CMTR1: variants seen among roughly 807,000 people sequenced by gnomAD.
The protein encoded by CMTR1 is cap methyltransferase 1, also known as cap-specific mRNA (nucleoside-2'-O-)-methyltransferase 1.
In CMTR1, 39 loss-of-function variants were observed where a neutral mutation model predicts 107.0. That is an observed-to-expected ratio of 0.36 (90% CI 0.28 to 0.48). The LOEUF (loss-of-function observed/expected upper bound fraction) is 0.48, where lower values mean the gene tolerates loss of function less well. Ranked by LOEUF, CMTR1 falls within the 20% of genes least tolerant of loss-of-function variation. The pLI is 0.99. For missense variants in CMTR1, 672 were observed against 1,064.9 expected, an observed-to-expected ratio of 0.63 and a Z score of 5.14; for synonymous variants, 366 against 379.5, an observed-to-expected ratio of 0.96 and a Z score of 0.41.
chr6:37,474,472 T>C, intron 17 of CMTR1, 52 bp from the exon 18 acceptor site: 2 of 1,606,042 alleles, frequency 1.2e-6, no homozygotes, highest in Non-Finnish European at 1.7e-6. Context: ...GTAAGCCTCT[T>C]ATCCCTCGAT....
chr6:37,478,552 CCTCCCCT>C (rs752598522), intron 22 of CMTR1, 31 bp downstream of exon 22: 19 of 1,548,374 alleles, frequency 1.2e-5, no homozygotes, highest in Non-Finnish European at 1.4e-5. Context: ...CCCGCCATCC[CCTCCCCT>C]CTCCCCTCTC....
chr6:37,459,758 A>G, intron 10 of CMTR1, 74 bp downstream of exon 10: 2 of 1,075,044 alleles, frequency 1.9e-6, no homozygotes, highest in Middle Eastern at 2.0e-4. Context: ...TGTTTGTTTT[A>G]TCTGGTTCTT....
intron 2 of CMTR1, among the ~76,000 whole-genome samples, chr6:37,440,032 G>A (rs538676374): frequency 6.6e-6 from 1 of 152,176 alleles, no homozygotes; most frequent in East Asian, 1.9e-4. Context: ...GGAGACCTCT[G>A]TTTCCTCTGT....
At chr6:37,470,755 G>C (rs1038956488) in intron 13 of CMTR1, among the ~76,000 whole-genome samples, 22 of 152,156 alleles carry the variant, frequency 1.4e-4, no homozygotes, top group African/African-American at 5.3e-4. Flanking sequence ...ACTACTTTCA[G>C]ATTATTTAAG....
chr6:37,458,583 C>T lies in CMTR1; in HGVS notation c.778-29C>T, dbSNP rs751766500. On this transcript the variant is annotated intron_variant, in intron 8 of 23. Coordinates refer to ENST00000373451, the MANE Select transcript of CMTR1 (RefSeq NM_015050.3). The surrounding 1 kb of genome is among the most constrained non-coding windows in gnomAD (Gnocchi z 4.7). ...CCCATTGAGCTGTCTTGTTTTCCTT[C>T]CTCTCCTGTCCTCCACTTGCCTTTG... is the stretch of plus-strand genomic sequence containing the variant. The T allele has an allele frequency of 9.9e-6, 16 of 1,608,580 alleles. No individual in the cohort carries two copies. The highest frequency in any genetic ancestry group is 8.5e-7 in the Non-Finnish European group (1 of 1,177,828).
Position 37,472,839 on chromosome 6 carries a change from G to A in CMTR1, c.1689+352G>A, listed in dbSNP as rs1761657941. 6.6e-6 allele frequency among the ~76,000 whole-genome samples: 1 copy of A among 152,224 alleles called. No individual in the cohort carries two copies. Among genetic ancestry groups the A allele is most frequent in the Non-Finnish European group, 1.5e-5 (1 of 68,040 alleles). Reference sequence around the variant, plus strand: ...GGGATGATCTTAGGCAAGGGAGCTGGGCACAGGGTGAAGGGAGCTGCCAGG... The same window carrying A: ...GGGATGATCTTAGGCAAGGGAGCTGAGCACAGGGTGAAGGGAGCTGCCAGG... On this transcript the variant is annotated intron_variant, in intron 16 of 23. Coordinates refer to ENST00000373451, the MANE Select transcript of CMTR1 (RefSeq NM_015050.3). The surrounding 1 kb of genome is among the most constrained non-coding windows in gnomAD (Gnocchi z 4.1).
Position 37,476,206 on chromosome 6 carries a change from G to T in CMTR1, c.2105+12G>T. Reference sequence around the variant, plus strand: ...ATGAATCCCATCAGGTGAGCATGTGGTCCCTACCCTCCATGCTTCTTTCTG... The same window carrying T: ...ATGAATCCCATCAGGTGAGCATGTGTTCCCTACCCTCCATGCTTCTTTCTG... On this transcript the variant is annotated intron_variant, in intron 20 of 23. Transcript: ENST00000373451. 1 of 1,613,886 alleles carries T rather than the reference G, an allele frequency of 6.2e-7. No individual in the cohort carries two copies. The highest frequency in any genetic ancestry group is 8.5e-7 in the Non-Finnish European group (1 of 1,179,842).
At chr6:37,447,388 G>A (rs1445446090) in intron 4 of CMTR1, among the ~76,000 whole-genome samples, 1 of 152,198 alleles carries the variant, frequency 6.6e-6, no homozygotes, top group Non-Finnish European at 1.5e-5. Flanking sequence ...AGTTGTGGGC[G>A]TTGAGACCAG....
At chr6:37,477,703 G>A in intron 21 of CMTR1, 64 bp downstream of exon 21, 3 of 695,232 alleles carry the variant, frequency 4.3e-6, no homozygotes, top group Non-Finnish European at 7.3e-6. Context: ...GTGTCCTGTA[G>A]TCATCCTCCG....
Position 37,471,021 on chromosome 6 carries a change from C to A in CMTR1, c.1506C>A (p.Ser502Arg). 1.9e-6 allele frequency: 3 copies of A among 1,601,430 alleles called. No individual in the cohort carries two copies. The highest frequency in any genetic ancestry group is 2.3e-5 in the South Asian group (2 of 88,818). The change falls in exon 14 of 24, where the codon AGC becomes AGA. Residue 502 changes from serine (S) to arginine (R), a missense_variant and splice_region_variant. This residue lies in a region of CMTR1 where 583 missense variants were observed against 968.4 expected (regional missense o/e 0.60). Transcript: ENST00000373451. ...FTDYMIRSNE[S>R]HCSLQIKALA... ...ATCAAATAATTTTTTTTTCTTCTAG[C>A]CACTGTAGTCTGCAGATCAAAGCTC...
chr6:37,462,088 T>C lies in CMTR1; in HGVS notation c.1311T>C (p.Pro437=). The change falls in exon 12 of 24, where the codon CCT becomes CCC. Residue 437 remains proline, a synonymous_variant. Transcript: ENST00000373451. Reference sequence around the variant, plus strand: ...TCTTCAAGCCTATTACCAGCCGTCCTGCCAACTCAGAGAGGTGAAGCCTTT... The same window carrying C: ...TCTTCAAGCCTATTACCAGCCGTCCCGCCAACTCAGAGAGGTGAAGCCTTT... The part of the protein sequence containing the change: ...VCLFKPITSR[P]ANSERYVVCK... The C allele has an allele frequency of 6.2e-7, 1 of 1,614,134 alleles. No individual in the cohort carries two copies. The highest frequency in any genetic ancestry group is 8.5e-7 in the Non-Finnish European group (1 of 1,180,034).
Position 37,480,005 on chromosome 6 carries a change from C to T in CMTR1, c.2376-8C>T. On this transcript the variant is annotated splice_polypyrimidine_tract_variant and splice_region_variant and intron_variant, in intron 23 of 23. Transcript: ENST00000373451. Reference sequence around the variant, plus strand: ...TCCTGACCTCTTTCCCATCCCTCTCCTCCCCAGCATTTGCTACTATGGCCG... The same window carrying T: ...TCCTGACCTCTTTCCCATCCCTCTCTTCCCCAGCATTTGCTACTATGGCCG... 6.4e-7 allele frequency: 1 copy of T among 1,568,706 alleles called. No individual in the cohort carries two copies. The highest frequency in any genetic ancestry group is 8.6e-7 in the Non-Finnish European group (1 of 1,162,458).
At chr6:37,451,585 GC>G (rs1269985158) in intron 5 of CMTR1, among the ~76,000 whole-genome samples, 1 of 152,152 alleles carries the variant, frequency 6.6e-6, no homozygotes, top group African/African-American at 2.4e-5. Context: ...TCTACTCAGA[GC>G]TCCTGGGGTG....
rs147385347 is a variant in CMTR1, at chr6:37,472,497, G to T, written c.1689+10G>T. 5 of 1,613,590 alleles carry T rather than the reference G, an allele frequency of 3.1e-6. No homozygotes were observed. The highest frequency in any genetic ancestry group is 4.2e-6 in the Non-Finnish European group (5 of 1,179,502). On this transcript the variant is annotated intron_variant, in intron 16 of 23. Coordinates refer to ENST00000373451, the MANE Select transcript of CMTR1 (RefSeq NM_015050.3). The surrounding 1 kb of genome is among the most constrained non-coding windows in gnomAD (Gnocchi z 4.1). ...CTTTGAGCTAATCCAGGTAAGACTG[G>T]TATCTGTGGTGGACATAAAAAGTTA... is the stretch of plus-strand genomic sequence containing the variant.
intron 16 of CMTR1, among the ~76,000 whole-genome samples, chr6:37,473,067 C>T (rs1761662014): frequency 6.6e-6 from 1 of 152,114 alleles, no homozygotes; most frequent in African/African-American, 2.4e-5. Context: ...AAGATGCCCT[C>T]AAAAGAATAG....
At chr6:37,473,802 T>G (rs1480326372) in intron 17 of CMTR1, among the ~76,000 whole-genome samples, 2 of 152,248 alleles carry the variant, frequency 1.3e-5, no homozygotes, top group Non-Finnish European at 2.9e-5. Flanking sequence ...ATTCTTTCAT[T>G]TGTTTCTTCA....
intron 10 of CMTR1, among the ~76,000 whole-genome samples, chr6:37,461,212 A>G (rs1034133871): frequency 2.6e-5 from 4 of 152,300 alleles, no homozygotes; most frequent in East Asian, 1.9e-4. Flanking sequence ...TGACTAGCCA[A>G]TATTTTGCCT....
At chr6:37,464,925 TGTGTAC>T (rs1291429579) in intron 13 of CMTR1, among the ~76,000 whole-genome samples, 2 of 150,094 alleles carry the variant, frequency 1.3e-5, no homozygotes, top group Non-Finnish European at 2.9e-5. Context: ...TGTGTGTGTG[TGTGTAC>T]AGACAAACAA....
At chr6:37,478,920 G>T (rs1215489613) in intron 22 of CMTR1, among the ~76,000 whole-genome samples, 1 of 152,200 alleles carries the variant, frequency 6.6e-6, no homozygotes, top group African/African-American at 2.4e-5. Context: ...TACCCTGATG[G>T]AGGGTTGGCA....
Sources: allele counts gnomAD v4.1 joint callset (sites outside exome capture counted in the v4.1 genomes callset), GRCh38; gene constraint gnomAD v4.1.1; regional missense constraint gnomAD v4.1.1; non-coding constraint Gnocchi (gnomAD v3.1); transcripts MANE v1.5; gene names NCBI Gene and HGNC (gene_info 2026-07-23, HGNC 2026-07-21).